ZNF395: variants seen among roughly 807,000 people sequenced by gnomAD.
The protein encoded by ZNF395 is zinc finger protein 395.
ZNF395 carries 20 observed loss-of-function variants against 57.7 expected under a neutral mutation model. The ratio of observed to expected loss-of-function variants is 0.35; its 90% CI spans 0.24 to 0.50. The LOEUF is 0.50. Among genes scored for constraint, ZNF395 ranks in the 20% least tolerant of loss-of-function variants. The pLI is 0.97. For synonymous variants in ZNF395, 295 were observed against 275.9 expected, an observed-to-expected ratio of 1.07 and a Z score of -0.69; for missense variants, 606 against 671.2, an observed-to-expected ratio of 0.90 and a Z score of 1.07.
chr8:28,366,933 AG>A (rs1226493251), intron 1 of ZNF395, among the ~76,000 whole-genome samples: 2 of 152,074 alleles, frequency 1.3e-5, no homozygotes, highest in Non-Finnish European at 2.9e-5. Flanking sequence ...GAGCATCAAA[AG>A]CCGTGACTTA....
At chr8:28,351,111 T>C (rs1801676298) in intron 7 of ZNF395, among the ~76,000 whole-genome samples, 1 of 152,190 alleles carries the variant, frequency 6.6e-6, no homozygotes, top group African/African-American at 2.4e-5. Flanking sequence ...CCGCAGGAAG[T>C]ATTCAAAACA....
At position 28,359,644 on chromosome 8, in the gene ZNF395, C is replaced by G. The variant is rs761164543; in HGVS notation, c.421G>C (p.Ala141Pro). Residue 141 changes from alanine (A) to proline (P), a missense_variant, in exon 3 of 10, where the codon GCC (alanine) becomes CCC (proline). Around this residue, in one of 3 missense-constraint regions of ZNF395, gnomAD observed 309 missense variants for 374.7 expected, o/e 0.82. Coordinates refer to ENST00000344423, the MANE Select transcript of ZNF395 (RefSeq NM_018660.3). The surrounding 1 kb of genome is among the most constrained non-coding windows in gnomAD (Gnocchi z 4.7). ...ACGGGCCTGTAGGCCAGGGCCTGGGCTCCGGGCTCCAGGGGTGGTGCCTGG... is the reference window on the plus strand; with the variant it reads ...ACGGGCCTGTAGGCCAGGGCCTGGGGTCCGGGCTCCAGGGGTGGTGCCTGG... The part of the protein sequence containing the change: ...CPQAPPLEPG[A>P]QALAYRPVSR... 6.2e-7 allele frequency: 1 copy of G among 1,612,890 alleles called. No individual in the cohort carries two copies. Among genetic ancestry groups the G allele is most frequent in the Non-Finnish European group, 8.5e-7 (1 of 1,179,238 alleles).
At chr8:28,351,125 G>A (rs894947621) in intron 7 of ZNF395, among the ~76,000 whole-genome samples, 3 of 152,112 alleles carry the variant, frequency 2.0e-5, no homozygotes, top group African/African-American at 7.2e-5. Flanking sequence ...CAAAACATGC[G>A]TGCTGGACTG....
chr8:28,375,438 T>G (rs565058277), intron 1 of ZNF395: 5 of 151,438 alleles, frequency 3.3e-5, no homozygotes, highest in Admixed American at 2.0e-4. Context: ...TAGAACCTAC[T>G]GAGCAAAACT....
At chr8:28,364,608 C>T (rs560359053) in intron 1 of ZNF395, among the ~76,000 whole-genome samples, 1 of 148,520 alleles carries the variant, frequency 6.7e-6, no homozygotes, top group African/African-American at 2.5e-5. Flanking sequence ...GAGCTGAGAT[C>T]GCACCACTGC....
At chr8:28,385,850 C>T (rs1422894598) in intron 1 of ZNF395, among the ~76,000 whole-genome samples, 1 of 146,702 alleles carries the variant, frequency 6.8e-6, no homozygotes, top group Non-Finnish European at 1.5e-5. Context: ...GGCCCTGCCG[C>T]AGCGTCCCGC....
chr8:28,356,894 A>G lies in ZNF395; in HGVS notation c.474-115T>C. The G allele has an allele frequency of 1.3e-6, 1 of 790,730 alleles. No individual in the cohort carries two copies. Among genetic ancestry groups the G allele is most frequent in the Non-Finnish European group, 2.0e-6 (1 of 489,900 alleles). 49.0% of individuals were successfully genotyped at this position (790,730 alleles called of 1,614,324 possible). ...TCACACAATCATCTTACACTTCTGG[A>G]CTGTCCCCTCCAAGTGCCCCCAACT... is the stretch of plus-strand genomic sequence containing the variant. On this transcript the variant is annotated intron_variant, in intron 3 of 9. Transcript: ENST00000344423. This position sits in a 1 kb window ranked among gnomAD's most constrained non-coding sequence, Gnocchi z 4.0.
In ZNF395 at chr8:28,351,491, A is replaced by G; in HGVS notation, c.1233+4T>C. On this transcript the variant is annotated splice_donor_region_variant and intron_variant, in intron 7 of 9. Coordinates refer to ENST00000344423, the MANE Select transcript of ZNF395 (RefSeq NM_018660.3). ...CTGAGCCTCCAGCGAGCCCCGCCCC[A>G]TACCTGGTATGCATGATCTGCCTGA... 1 of 1,592,280 alleles carries G rather than the reference A, an allele frequency of 6.3e-7. No individual in the cohort carries two copies.
At chr8:28,357,403 T>C (rs901898423) in intron 3 of ZNF395, among the ~76,000 whole-genome samples, 1 of 152,240 alleles carries the variant, frequency 6.6e-6, no homozygotes, top group Non-Finnish European at 1.5e-5. Context: ...GTGTCCATGC[T>C]TTATACAGCA....
chr8:28,363,139 T>G (rs1801870529), intron 1 of ZNF395, among the ~76,000 whole-genome samples: 2 of 151,960 alleles, frequency 1.3e-5, no homozygotes, highest in East Asian at 1.9e-4. Context: ...GGGTTTTTTT[T>G]TTTGTTTTTT....
chr8:28,360,384 A>G (rs1801833677), intron 2 of ZNF395, among the ~76,000 whole-genome samples: 1 of 152,234 alleles, frequency 6.6e-6, no homozygotes, highest in Non-Finnish European at 1.5e-5. Flanking sequence ...AGAGAACCCC[A>G]GGCACCTGGA....
chr8:28,366,808 A>G (rs1801915758), intron 1 of ZNF395, among the ~76,000 whole-genome samples: 1 of 115,490 alleles, frequency 8.7e-6, no homozygotes, highest in African/African-American at 4.8e-5. Context: ...TTCCCCAAAG[A>G]AAGTTTAAAA....
intron 1 of ZNF395, among the ~76,000 whole-genome samples, chr8:28,369,789 G>A (rs1217275694): frequency 6.6e-6 from 1 of 152,240 alleles, no homozygotes; most frequent in East Asian, 1.9e-4. Flanking sequence ...GGGCCCCAGA[G>A]CAGAAAAAGC....
At chr8:28,370,258 C>G (rs941289246) in intron 1 of ZNF395, among the ~76,000 whole-genome samples, 2 of 151,732 alleles carry the variant, frequency 1.3e-5, no homozygotes, top group Admixed American at 1.3e-4. Context: ...CAGGTTTCAC[C>G]CCAAAAACAG....
At chr8:28,378,205 C>T (rs770301097) in intron 1 of ZNF395, among the ~76,000 whole-genome samples, 1 of 152,050 alleles carries the variant, frequency 6.6e-6, no homozygotes, top group Non-Finnish European at 1.5e-5. Context: ...AGTTCTGACC[C>T]AACTTAAAAT....
In ZNF395 at chr8:28,352,705, T is replaced by C. The variant is rs374297871; in HGVS notation, c.820-32A>G. 4.7e-5 allele frequency: 75 copies of C among 1,579,726 alleles called. 1 individual carries two copies. Among genetic ancestry groups the C allele is most frequent in the Middle Eastern group, 1.7e-4 (1 of 6,016 alleles). ...GAAAGGAAGACAGGGTGAGTGGATATGTCTTTCTCCTTATCCCTCGCTCAA... is the reference window on the plus strand; with the variant it reads ...GAAAGGAAGACAGGGTGAGTGGATACGTCTTTCTCCTTATCCCTCGCTCAA... On this transcript the variant is annotated intron_variant, in intron 5 of 9. Coordinates refer to ENST00000344423, the MANE Select transcript of ZNF395 (RefSeq NM_018660.3). The surrounding 1 kb of genome is among the most constrained non-coding windows in gnomAD (Gnocchi z 4.0).
chr8:28,359,777 C>T lies in ZNF395; in HGVS notation c.288G>A (p.Gln96=), dbSNP rs2129957912. 1.2e-6 allele frequency: 2 copies of T among 1,614,126 alleles called. No individual in the cohort carries two copies. Among genetic ancestry groups the T allele is most frequent in the East Asian group, 2.2e-5 (1 of 44,878 alleles). ...TCACCTGACCCTCCATCCAGCTGTG[C>T]TGCTCCACCAGTCCTGTGCACTCTT... ...GGQECTGLVE[Q]HSWMEGQVTV... Residue 96 remains glutamine, a synonymous_variant, in exon 3 of 10, where the codon CAG becomes CAA. Transcript: ENST00000344423. This position sits in a 1 kb window ranked among gnomAD's most constrained non-coding sequence, Gnocchi z 4.7.
At chr8:28,364,945 C>A (rs1225204822) in intron 1 of ZNF395, among the ~76,000 whole-genome samples, 1 of 152,186 alleles carries the variant, frequency 6.6e-6, no homozygotes, top group Non-Finnish European at 1.5e-5. Flanking sequence ...AATCATTTAG[C>A]AGTTCAGGTT....
Position 28,352,421 on chromosome 8 carries a change from G to A in ZNF395, c.920+152C>T. On this transcript the variant is annotated intron_variant, in intron 6 of 9. Transcript: ENST00000344423. The surrounding 1 kb of genome is among the most constrained non-coding windows in gnomAD (Gnocchi z 4.0). ...CAACAGCAACAATGTTCACCAGGAT[G>A]TCTTTCTCAGGGGGCCAGGAAGAGA... is the stretch of plus-strand genomic sequence containing the variant. 1 of 621,816 alleles carries A rather than the reference G, an allele frequency of 1.6e-6. No individual in the cohort carries two copies. 38.5% of individuals were successfully genotyped at this position (621,816 alleles called of 1,614,324 possible).
Sources: gnomAD v4.1 joint callset for allele counts (sites outside exome capture counted in the v4.1 genomes callset) on GRCh38, gnomAD v4.1.1 for gene constraint, gnomAD v4.1.1 regional missense constraint, Gnocchi (gnomAD v3.1) non-coding constraint, MANE v1.5 for transcripts, NCBI Gene and HGNC (gene_info 2026-07-23, HGNC 2026-07-21) for gene names.